Variants in GIPC2 observed in about 807,000 individuals in gnomAD.
GIPC2 encodes the protein PDZ domain-containing protein GIPC2.
A neutral mutation model predicts 30.6 loss-of-function variants in GIPC2; 30 were observed. The observed-to-expected ratio is 0.98, with a 90% CI of 0.73 to 1.33. The LOEUF is 1.33. Ranked by LOEUF, GIPC2 falls within the 40% of genes most tolerant of loss-of-function variation. The probability of loss-of-function intolerance (pLI) is 0.00; values close to 1 mark genes in which losing one functional copy is unlikely to be tolerated. For missense variants in GIPC2, 414 were observed against 390.3 expected (o/e 1.06, Z -0.51); for synonymous variants, 167 against 150.0 (o/e 1.11, Z -0.83).
chr1:78,075,007 GA>G (rs1237356222), intron 1 of GIPC2, among the ~76,000 whole-genome samples: 2 of 152,166 alleles, frequency 1.3e-5, no homozygotes, highest in South Asian at 4.1e-4. Context: ...GAAAGTAACA[GA>G]AAATCCAACC....
intron 2 of GIPC2, 43 bp from the exon 3 acceptor site, chr1:78,094,909 C>CA (rs1557540681): frequency 7.3e-7 from 1 of 1,368,108 alleles, no homozygotes; most frequent in Non-Finnish European, 1.0e-6. Flanking sequence ...GCATTCATTA[C>CA]ACAGTTCTAT....
chr1:78,119,331 C>T lies in GIPC2; in HGVS notation c.608-62C>T, dbSNP rs1662634360. 1.7e-5 allele frequency: 15 copies of T among 898,952 alleles called. No homozygotes were observed. In the Admixed American group the frequency reaches 2.9e-4, roughly 17 times the overall value. 55.7% of individuals were successfully genotyped at this position (898,952 alleles called of 1,614,324 possible). On this transcript the variant is annotated intron_variant, in intron 3 of 5. Coordinates refer to ENST00000370759, the MANE Select transcript of GIPC2 (RefSeq NM_017655.6). ...TTGTGATAGAAACTACATTAGCCTT[C>T]ACAGTAATCTGTTGGGATGCTTTCT...
rs144863513 is a variant in GIPC2, at chr1:78,061,629, T to G, written c.240+15295T>G. 4.7e-5 allele frequency among the ~76,000 whole-genome samples: 4 copies of G among 84,298 alleles called. No individual in the cohort carries two copies. In the Admixed American group the frequency reaches 5.6e-4, roughly 12 times the overall value. The allele number at this position is 84,298 out of a possible 152,430, so 55.3% of individuals were successfully genotyped here. A position where few individuals can be genotyped will look rare whatever the true frequency, so the allele number is the denominator to read the frequency against. ...GATTCTCCTGTTTCAGCCTCCTGAG[T>G]AGCTGGGACTACAGGCGTGAGCCAC... On this transcript the variant is annotated intron_variant, in intron 1 of 5. Coordinates refer to ENST00000370759, the MANE Select transcript of GIPC2 (RefSeq NM_017655.6).
chr1:78,111,312 G>A (rs1170677445), intron 3 of GIPC2, among the ~76,000 whole-genome samples: 1 of 152,050 alleles, frequency 6.6e-6, no homozygotes, highest in African/African-American at 2.4e-5. Flanking sequence ...TTTTCTCTGG[G>A]CCCCTCAGTG....
intron 5 of GIPC2, among the ~76,000 whole-genome samples, chr1:78,134,332 ATGTGTGTATGTATGTGTGTGTGTG>A (rs1662960838): frequency 6.8e-6 from 1 of 146,902 alleles, no homozygotes. Flanking sequence ...GTGTCTGTGT[ATGTGTGTATGTATGTGTGTGTGTG>A]TGTGTGTATG....
At chr1:78,092,213 A>AT (rs1269794223) in intron 2 of GIPC2, among the ~76,000 whole-genome samples, 1 of 152,180 alleles carries the variant, frequency 6.6e-6, no homozygotes, top group African/African-American at 2.4e-5. Context: ...GAAAAAAAAG[A>AT]TTTTAGGGAG....
At chr1:78,094,260 T>A (rs897122309) in intron 2 of GIPC2, among the ~76,000 whole-genome samples, 12 of 152,248 alleles carry the variant, frequency 7.9e-5, no homozygotes, top group African/African-American at 7.2e-5. Flanking sequence ...ATTGAAATGA[T>A]TCAGTAATCA....
At chr1:78,076,846 G>A (rs1344245734) in intron 1 of GIPC2, among the ~76,000 whole-genome samples, 4 of 152,116 alleles carry the variant, frequency 2.6e-5, no homozygotes, top group African/African-American at 9.7e-5. Flanking sequence ...TCGGCTCACT[G>A]TAACCTCTGC....
intron 1 of GIPC2, among the ~76,000 whole-genome samples, chr1:78,048,216 T>C (rs180757940): frequency 1.8e-3 from 276 of 152,272 alleles, no homozygotes; most frequent in African/African-American, 6.4e-3. Context: ...TTAACACTTC[T>C]CATCATTATA....
upstream of GIPC2, chr1:78,045,795 A>T (rs1386151879): frequency 8.6e-7 from 1 of 1,162,450 alleles, no homozygotes; most frequent in East Asian, 4.6e-5. Flanking sequence ...CGGCATCCTC[A>T]GGCGTTCACG....
Position 78,080,857 on chromosome 1 carries a change from A to T in GIPC2, c.423A>T (p.Ile141=). ...ATAATGGTGTTGGCTATGCTTTTATAAAGGTAAGTTTTAAAAAATAACAGT... is the reference window on the plus strand; with the variant it reads ...ATAATGGTGTTGGCTATGCTTTTATTAAGGTAAGTTTTAAAAAATAACAGT... The part of the protein sequence containing the change: ...ITDNGVGYAF[I]KRIKDGGVID... The change falls in exon 2 of 6, where the codon ATA becomes ATT. Residue 141 remains isoleucine, a synonymous_variant. Transcript: ENST00000370759. The T allele has an allele frequency of 6.4e-7, 1 of 1,573,962 alleles. No homozygotes were observed. Among genetic ancestry groups the T allele is most frequent in the South Asian group, 1.2e-5 (1 of 86,004 alleles).
intron 2 of GIPC2, among the ~76,000 whole-genome samples, chr1:78,086,507 A>G (rs932907601): frequency 6.6e-5 from 10 of 152,056 alleles, no homozygotes; most frequent in Non-Finnish European, 1.5e-4. Context: ...TGATCTGTCT[A>G]CTACTGTCAG....
intron 5 of GIPC2, among the ~76,000 whole-genome samples, chr1:78,130,111 T>C (rs1662864059): frequency 7.2e-6 from 1 of 138,744 alleles, no homozygotes; most frequent in Non-Finnish European, 1.6e-5. Context: ...TCACTTTTTT[T>C]TTTTTTTTTT....
At chr1:78,105,167 C>T (rs1029918213) in intron 3 of GIPC2, among the ~76,000 whole-genome samples, 2 of 151,890 alleles carry the variant, frequency 1.3e-5, no homozygotes, top group East Asian at 1.9e-4. Context: ...TTTTTTTTAT[C>T]GAATGCTCAG....
At chr1:78,130,345 A>G (rs945196904) in intron 5 of GIPC2, among the ~76,000 whole-genome samples, 4 of 151,996 alleles carry the variant, frequency 2.6e-5, no homozygotes, top group African/African-American at 9.7e-5. Flanking sequence ...CTTGTGATCC[A>G]CCTGCCTTGG....
intron 3 of GIPC2, among the ~76,000 whole-genome samples, chr1:78,098,591 C>T (rs886403857): frequency 4.6e-5 from 7 of 152,120 alleles, no homozygotes; most frequent in Non-Finnish European, 7.4e-5. Context: ...TCCTGCCTTT[C>T]GAGGAGCTCA....
At chr1:78,104,891 G>A (rs1274165720) in intron 3 of GIPC2, among the ~76,000 whole-genome samples, 1 of 152,176 alleles carries the variant, frequency 6.6e-6, no homozygotes, top group Non-Finnish European at 1.5e-5. Flanking sequence ...GACAGATTTT[G>A]AGGGGCAGAG....
intron 1 of GIPC2, among the ~76,000 whole-genome samples, chr1:78,052,255 T>C (rs1418983756): frequency 6.6e-6 from 1 of 152,198 alleles, no homozygotes; most frequent in African/African-American, 2.4e-5. Flanking sequence ...CTCTGCTTAA[T>C]TTTTCTCCGT....
At chr1:78,057,114 AT>A (rs1661311646) in intron 1 of GIPC2, among the ~76,000 whole-genome samples, 1 of 152,216 alleles carries the variant, frequency 6.6e-6, no homozygotes, top group South Asian at 2.1e-4. Flanking sequence ...TGTAGTTAAA[AT>A]TTTATATTGA....
Sources: allele counts gnomAD v4.1 joint callset (sites outside exome capture counted in the v4.1 genomes callset), GRCh38; gene constraint gnomAD v4.1.1; transcripts MANE v1.5; gene names NCBI Gene and HGNC (gene_info 2026-07-23, HGNC 2026-07-21).